RYR3: variants seen among roughly 807,000 people sequenced by gnomAD.
RYR3 encodes brain ryanodine receptor-calcium release channel.
A neutral mutation model predicts 584.3 loss-of-function variants in RYR3; 207 were observed. The ratio of observed to expected loss-of-function variants is 0.35; its 90% confidence interval spans 0.32 to 0.40. The LOEUF (loss-of-function observed/expected upper bound fraction) is 0.40. RYR3 is among the 10% of genes least tolerant of loss of function. RYR3 has a pLI of 1.00. For missense variants in RYR3, 5,616 were observed against 6,089.2 expected, an observed-to-expected ratio of 0.92 and a Z score of 2.59; for synonymous variants, 2,416 against 2,248.5, an observed-to-expected ratio of 1.07 and a Z score of -2.11.
At chr15:33,607,086 C>T (rs986721744) in intron 18 of RYR3, among the ~76,000 whole-genome samples, 7 of 152,154 alleles carry the variant, frequency 4.6e-5, no homozygotes, top group African/African-American at 1.2e-4. Flanking sequence ...CCTATGTGGA[C>T]GAGATCCGAG....
chr15:33,391,591 A>G (rs2041999803), intron 1 of RYR3, among the ~76,000 whole-genome samples: 1 of 151,380 alleles, frequency 6.6e-6, no homozygotes, highest in South Asian at 2.1e-4. Flanking sequence ...GTGCCACTGC[A>G]GTCCAGCCTG....
chr15:33,692,816 AG>A (rs1413367399), intron 38 of RYR3, among the ~76,000 whole-genome samples: 5 of 152,100 alleles, frequency 3.3e-5, no homozygotes, highest in African/African-American at 1.2e-4. Flanking sequence ...CATGCTCTCT[AG>A]GCCATAAATA....
At chr15:33,818,427 C>T in intron 75 of RYR3, 151 bp from the exon 76 acceptor site, 2 of 603,616 alleles carry the variant, frequency 3.3e-6, no homozygotes, top group Non-Finnish European at 2.9e-6. Flanking sequence ...GGGCTTCTAT[C>T]CTGAAATAAA....
chr15:33,481,489 G>A (rs1297412554), intron 2 of RYR3, among the ~76,000 whole-genome samples: 2 of 147,302 alleles, frequency 1.4e-5, no homozygotes, highest in African/African-American at 5.0e-5. Flanking sequence ...TTTTTTTTTT[G>A]GGTTTTTTTG....
intron 16 of RYR3, among the ~76,000 whole-genome samples, chr15:33,590,300 G>C (rs139769482): frequency 6.6e-6 from 1 of 152,176 alleles, no homozygotes; most frequent in Non-Finnish European, 1.5e-5. Flanking sequence ...CAGGGGATAC[G>C]TTGGCTTAGC....
chr15:33,864,935 G>A (rs975230377), intron 103 of RYR3, 196 bp from the exon 104 acceptor site: 4 of 514,722 alleles, frequency 7.8e-6, no homozygotes, highest in Non-Finnish European at 1.4e-5. Flanking sequence ...TTCCCTGCCA[G>A]CATGTGTCAG....
chr15:33,439,632 A>C (rs1045065950), intron 1 of RYR3, among the ~76,000 whole-genome samples: 2 of 152,188 alleles, frequency 1.3e-5, no homozygotes, highest in African/African-American at 4.8e-5. Flanking sequence ...TTGAAGACTA[A>C]ATTGATTACA....
Position 33,360,451 on chromosome 15 carries a change from A to G in RYR3, c.51+49355A>G, listed in dbSNP as rs571193993. On this transcript the variant is annotated intron_variant, in intron 1 of 103. Transcript: ENST00000634891. Reference sequence around the variant, plus strand: ...TGATCTATGTTACGGCATGTACCAGAAGTTTATTCCTTTTCATTACTGAGT... The same window carrying G: ...TGATCTATGTTACGGCATGTACCAGGAGTTTATTCCTTTTCATTACTGAGT... Among the ~76,000 whole-genome samples the G allele has an allele frequency of 7.9e-5, 12 of 152,270 alleles. No individual in the cohort carries two copies. In the East Asian group the frequency reaches 2.3e-3, roughly 29 times the overall value.
intron 3 of RYR3, among the ~76,000 whole-genome samples, chr15:33,524,707 G>A (rs1052034778): frequency 3.3e-5 from 5 of 152,158 alleles, no homozygotes. Context: ...TTTTGCAGAT[G>A]TAAAATGATA....
At chr15:33,352,398 G>A (rs941039472) in intron 1 of RYR3, among the ~76,000 whole-genome samples, 7 of 152,080 alleles carry the variant, frequency 4.6e-5, no homozygotes, top group African/African-American at 1.7e-4. Context: ...GGTGCTAGGT[G>A]AGATCAATTA....
At chr15:33,436,217 T>A (rs900953942) in intron 1 of RYR3, among the ~76,000 whole-genome samples, 2 of 152,220 alleles carry the variant, frequency 1.3e-5, no homozygotes, top group African/African-American at 4.8e-5. Flanking sequence ...ATATCTTTGC[T>A]ATACTGATTT....
chr15:33,636,272 T>C (rs1206901762), intron 26 of RYR3, 104 bp from the exon 27 acceptor site: 14 of 982,264 alleles, frequency 1.4e-5, no homozygotes, highest in East Asian at 4.8e-5. Context: ...CTAGAAATCA[T>C]GTAACCACTA....
At chr15:33,729,196 C>T (rs2068726190) in intron 47 of RYR3, among the ~76,000 whole-genome samples, 170 bp downstream of exon 47, 1 of 152,072 alleles carries the variant, frequency 6.6e-6, no homozygotes, top group South Asian at 2.1e-4. Flanking sequence ...TTTATTGGGC[C>T]AGAGACTTAG....
chr15:33,652,743 G>T lies in RYR3; in HGVS notation c.4168G>T (p.Val1390Phe), dbSNP rs138445751. 6.2e-7 allele frequency: 1 copy of T among 1,613,690 alleles called. No homozygotes were observed. The highest frequency in any genetic ancestry group is 1.1e-5 in the South Asian group (1 of 90,976). Residue 1390 changes from valine to phenylalanine, a missense_variant, in exon 32 of 104, where the codon GTC becomes TTC. By Grantham distance (50) the Val-to-Phe change is conservative. Around this residue, in one of 9 missense-constraint regions of RYR3, gnomAD observed 753 missense variants for 741.0 expected, o/e 1.02. Coordinates refer to ENST00000634891, the MANE Select transcript of RYR3 (RefSeq NM_001036.6). ...TGTGAAACGCAGCAACTGCTACATG[G>T]TCTGGGGTGGAGACATTGTAGCCAG... Reference protein sequence around the residue: ...ESVKRSNCYMVWGGDIVASSQ... With the variant: ...ESVKRSNCYMFWGGDIVASSQ...
At chr15:33,360,133 A>G (rs1441272961) in intron 1 of RYR3, among the ~76,000 whole-genome samples, 1 of 152,176 alleles carries the variant, frequency 6.6e-6, no homozygotes, top group African/African-American at 2.4e-5. Flanking sequence ...GCGGTGCTCC[A>G]TATAAATAAA....
At chr15:33,702,344 C>G (rs2066366156) in intron 42 of RYR3, among the ~76,000 whole-genome samples, 1 of 152,164 alleles carries the variant, frequency 6.6e-6, no homozygotes, top group African/African-American at 2.4e-5. Flanking sequence ...AGAAACAAGT[C>G]TTGAGGCAAG....
At chr15:33,366,125 G>A (rs1975458681) in intron 1 of RYR3, among the ~76,000 whole-genome samples, 1 of 152,012 alleles carries the variant, frequency 6.6e-6, no homozygotes, top group Admixed American at 6.6e-5. Context: ...TTCTGAGTGA[G>A]CAGTCTTGGT....
intron 15 of RYR3, 130 bp from the exon 16 acceptor site, chr15:33,585,868 T>C (rs2152523686): frequency 1.6e-6 from 1 of 608,984 alleles, no homozygotes; most frequent in East Asian, 2.9e-5. Context: ...GCTGGAAAGA[T>C]TTGATAGATT....
At chr15:33,346,147 A>G (rs1195516216) in intron 1 of RYR3, among the ~76,000 whole-genome samples, 1 of 152,202 alleles carries the variant, frequency 6.6e-6, no homozygotes, top group Non-Finnish European at 1.5e-5. Context: ...TTGTGGTTGC[A>G]AAATAGAGGT....
Sources: gnomAD v4.1 joint callset for allele counts (sites outside exome capture counted in the v4.1 genomes callset) on GRCh38, gnomAD v4.1.1 for gene constraint, gnomAD v4.1.1 regional missense constraint, MANE v1.5 for transcripts, NCBI Gene and HGNC (gene_info 2026-07-23, HGNC 2026-07-21) for gene names.